Variants in TCF12 observed in about 807,000 individuals in gnomAD.
TCF12 encodes the protein transcription factor 12.
Under a neutral mutation model 86.0 loss-of-function variants are expected in TCF12, and 45 were observed. That is an observed-to-expected ratio of 0.52 (90% CI 0.41 to 0.67). TCF12 has a LOEUF of 0.67. Ranked by LOEUF, TCF12 falls within the 30% of genes least tolerant of loss-of-function variation. TCF12 has a pLI of 0.00. For missense variants in TCF12, 881 were observed against 859.9 expected (o/e 1.02, Z -0.31); for synonymous variants, 330 against 299.6 (o/e 1.10, Z -1.05).
At chr15:57,090,675 T>C (rs2048936404) in intron 4 of TCF12, among the ~76,000 whole-genome samples, 1 of 152,134 alleles carries the variant, frequency 6.6e-6, no homozygotes, top group Admixed American at 6.5e-5. Context: ...GAATGATAAA[T>C]GTTCAGTGAT....
intron 3 of TCF12, among the ~76,000 whole-genome samples, chr15:57,014,600 T>C (rs2065036343): frequency 1.3e-5 from 2 of 152,110 alleles, no homozygotes; most frequent in Admixed American, 1.3e-4. Context: ...TTCCTGGGCA[T>C]GATGTCTTTT....
At chr15:56,938,615 C>A (rs1048985043) in intron 3 of TCF12, among the ~76,000 whole-genome samples, 2 of 145,686 alleles carry the variant, frequency 1.4e-5, no homozygotes, top group African/African-American at 5.1e-5. Flanking sequence ...TGTTAGAATT[C>A]TGCTGTGAAT....
intron 3 of TCF12, among the ~76,000 whole-genome samples, chr15:57,015,403 A>T (rs1385542242): frequency 6.6e-6 from 1 of 152,244 alleles, no homozygotes. Flanking sequence ...ATAACCAATG[A>T]TGGCCCCAGC....
intron 4 of TCF12, among the ~76,000 whole-genome samples, chr15:57,088,215 C>T (rs918489294): frequency 1.3e-5 from 2 of 152,168 alleles, no homozygotes; most frequent in East Asian, 3.8e-4. Context: ...AACCTATGTT[C>T]TCCAGCCTGT....
At chr15:57,244,807 A>C (rs1251960381) in intron 13 of TCF12, among the ~76,000 whole-genome samples, 2 of 151,922 alleles carry the variant, frequency 1.3e-5, no homozygotes, top group African/African-American at 2.4e-5. Flanking sequence ...TAGTTTAGAC[A>C]AGTTCTAAAT....
At chr15:56,986,023 C>G (rs574660256) in intron 3 of TCF12, among the ~76,000 whole-genome samples, 1 of 151,862 alleles carries the variant, frequency 6.6e-6, no homozygotes, top group Non-Finnish European at 1.5e-5. Flanking sequence ...TTTGTCAGTT[C>G]TTTTGTAATG....
chr15:57,202,144 CAA>C (rs2057572524), intron 8 of TCF12, among the ~76,000 whole-genome samples: 1 of 152,032 alleles, frequency 6.6e-6, no homozygotes, highest in Admixed American at 6.6e-5. Flanking sequence ...AATTAAGACT[CAA>C]AGACATAAAT....
At chr15:57,130,437 G>A (rs1448270446) in intron 5 of TCF12, among the ~76,000 whole-genome samples, 1 of 151,954 alleles carries the variant, frequency 6.6e-6, no homozygotes, top group Non-Finnish European at 1.5e-5. Context: ...CAACTCCAGA[G>A]AAAGAAAAAA....
In TCF12 at chr15:56,937,505, G is replaced by A. The variant is rs117027521; in HGVS notation, c.148+16407G>A. Among the ~76,000 whole-genome samples, 151 of 152,060 alleles carry A rather than the reference G, an allele frequency of 9.9e-4. 2 individuals are homozygous for A. In the East Asian group the frequency reaches 0.027, roughly 27 times the overall value. On this transcript the variant is annotated intron_variant, in intron 3 of 20. Coordinates refer to ENST00000333725, the MANE Select transcript of TCF12 (RefSeq NM_207037.2). ...TGTACGATCATATCATCAGCAAACAGCAACAGTTTGACTTCTTTACTGATT... is the reference window on the plus strand; with the variant it reads ...TGTACGATCATATCATCAGCAAACAACAACAGTTTGACTTCTTTACTGATT...
intron 5 of TCF12, among the ~76,000 whole-genome samples, chr15:57,132,000 G>A (rs943900253): frequency 3.3e-5 from 5 of 151,936 alleles, no homozygotes; most frequent in Admixed American, 6.6e-5. Flanking sequence ...TCATGATATC[G>A]TCCAGCCTGG....
intron 6 of TCF12, among the ~76,000 whole-genome samples, chr15:57,167,603 G>A (rs1054530363): frequency 6.6e-6 from 1 of 151,720 alleles, no homozygotes; most frequent in Admixed American, 6.6e-5. Context: ...AGAGAAGGAA[G>A]GGAGAAGGAA....
At chr15:57,109,868 C>T (rs56901700) in intron 5 of TCF12, among the ~76,000 whole-genome samples, 11,711 of 152,030 alleles carry the variant, frequency 0.077, 550 homozygotes, top group African/African-American at 0.13. Context: ...TGCAAATGAA[C>T]GCATAAGGTA....
chr15:57,159,175 C>G (rs1169219870), intron 5 of TCF12, among the ~76,000 whole-genome samples: 2 of 152,270 alleles, frequency 1.3e-5, no homozygotes, highest in East Asian at 3.9e-4. Flanking sequence ...GGTTGATTTT[C>G]CTAAAAGAGT....
At chr15:57,146,452 T>C (rs1226707640) in intron 5 of TCF12, among the ~76,000 whole-genome samples, 1 of 152,228 alleles carries the variant, frequency 6.6e-6, no homozygotes, top group Admixed American at 6.5e-5. Flanking sequence ...TCATATTGTT[T>C]TAAATTAGGA....
intron 13 of TCF12, chr15:57,247,647 CTTT>C: frequency 3.9e-6 from 3 of 777,612 alleles, no homozygotes; most frequent in South Asian, 2.7e-5. Flanking sequence ...TCTGTTTCTT[CTTT>C]AATACCACCA....
intron 3 of TCF12, among the ~76,000 whole-genome samples, chr15:57,017,622 G>A (rs1484506469): frequency 3.3e-5 from 5 of 151,936 alleles, no homozygotes; most frequent in African/African-American, 1.2e-4. Flanking sequence ...TATCAAAATA[G>A]GCATACAAAG....
intron 5 of TCF12, among the ~76,000 whole-genome samples, chr15:57,149,884 TTTTA>T (rs2053620317): frequency 6.6e-6 from 1 of 152,200 alleles, no homozygotes; most frequent in Non-Finnish European, 1.5e-5. Context: ...GAGAAAGCTT[TTTTA>T]TTTTTTTCCT....
intron 8 of TCF12, among the ~76,000 whole-genome samples, chr15:57,216,082 A>T (rs1438242060): frequency 6.6e-6 from 1 of 152,106 alleles, no homozygotes; most frequent in Non-Finnish European, 1.5e-5. Flanking sequence ...TTTCTTGCCT[A>T]GTTTAGGTCT....
At chr15:56,923,109 A>G (rs138723210) in intron 3 of TCF12, among the ~76,000 whole-genome samples, 1,759 of 152,110 alleles carry the variant, frequency 0.012, 31 homozygotes, top group African/African-American at 0.04. Flanking sequence ...TTGGAGTAAC[A>G]TTTATAAAAA....
Sources: gnomAD v4.1 joint callset for allele counts (sites outside exome capture counted in the v4.1 genomes callset) on GRCh38, gnomAD v4.1.1 for gene constraint, MANE v1.5 for transcripts, NCBI Gene and HGNC (gene_info 2026-07-23, HGNC 2026-07-21) for gene names.